The following GNG7 variants were observed in gnomAD, a reference collection of about 807,000 sequenced individuals.
GNG7 encodes the protein G protein subunit gamma 7.
A neutral mutation model predicts 4.0 loss-of-function variants in GNG7; 1 was observed. The observed-to-expected ratio is 0.25, with a 90% confidence interval of 0.09 to 1.18. GNG7 has a LOEUF of 1.18. GNG7 is among the 50% of genes most tolerant of loss of function. GNG7 has a pLI of 0.50. For synonymous variants in GNG7, 34 were observed against 36.9 expected, an observed-to-expected ratio of 0.92 and a Z score of 0.29; for missense variants, 86 against 91.9, an observed-to-expected ratio of 0.94 and a Z score of 0.26.
intron 1 of GNG7, among the ~76,000 whole-genome samples, chr19:2,691,263 G>A (rs984506532): frequency 6.6e-6 from 1 of 152,130 alleles, no homozygotes; most frequent in African/African-American, 2.4e-5. Context: ...AATGGTTTCG[G>A]CCTGGCTCAG....
chr19:2,659,612 G>T (rs1327850039), intron 1 of GNG7, among the ~76,000 whole-genome samples: 1 of 67,316 alleles, frequency 1.5e-5, no homozygotes, highest in Non-Finnish European at 3.1e-5. Flanking sequence ...AAAAAAAAAA[G>T]AGAGGAGGGG....
At chr19:2,603,227 T>C (rs914638592) in intron 2 of GNG7, among the ~76,000 whole-genome samples, 5 of 151,936 alleles carry the variant, frequency 3.3e-5, no homozygotes, top group Non-Finnish European at 7.4e-5. Flanking sequence ...CCACCATGCC[T>C]GGCTAATTTT....
chr19:2,642,660 C>G (rs1412159020), intron 2 of GNG7: 5 of 391,052 alleles, frequency 1.3e-5, no homozygotes, highest in African/African-American at 4.2e-5. Context: ...GCCACCATAC[C>G]TGTCTAATTT....
At chr19:2,529,850 T>C (rs1978528232) in intron 3 of GNG7, among the ~76,000 whole-genome samples, 1 of 152,080 alleles carries the variant, frequency 6.6e-6, no homozygotes, top group Non-Finnish European at 1.5e-5. Flanking sequence ...TGCCTGGAAA[T>C]GGAAAATCCG....
At chr19:2,694,910 C>A (rs1282358676) in intron 1 of GNG7, among the ~76,000 whole-genome samples, 1 of 151,992 alleles carries the variant, frequency 6.6e-6, no homozygotes, top group East Asian at 1.9e-4. Flanking sequence ...GACAGCCCTG[C>A]CCCAGAAAAT....
At chr19:2,597,076 T>C (rs1040727497) in intron 2 of GNG7, among the ~76,000 whole-genome samples, 3 of 151,896 alleles carry the variant, frequency 2.0e-5, no homozygotes, top group Admixed American at 6.6e-5. Context: ...CTGGACAACA[T>C]AGCAAGACCC....
chr19:2,627,956 A>G (rs550634833), intron 2 of GNG7, among the ~76,000 whole-genome samples: 2 of 152,372 alleles, frequency 1.3e-5, no homozygotes, highest in African/African-American at 2.4e-5. Flanking sequence ...ATCTTAATGA[A>G]GGAGGTGACG....
intron 2 of GNG7, among the ~76,000 whole-genome samples, chr19:2,582,080 C>CA (rs1162081539): frequency 2.6e-5 from 4 of 152,070 alleles, no homozygotes; most frequent in East Asian, 1.9e-4. Flanking sequence ...TAAAGATCTC[C>CA]AAAAAATCAA....
chr19:2,652,654 T>C (rs113828956), intron 1 of GNG7, among the ~76,000 whole-genome samples: 1 of 138,846 alleles, frequency 7.2e-6, no homozygotes, highest in Non-Finnish European at 1.5e-5. Flanking sequence ...CCCAAATACA[T>C]AGAAACAGAA....
intron 2 of GNG7, among the ~76,000 whole-genome samples, chr19:2,602,282 A>G (rs1981222879): frequency 6.6e-6 from 1 of 152,204 alleles, no homozygotes; most frequent in East Asian, 1.9e-4. Context: ...GGTTGCAGTG[A>G]GCTGAGATCG....
chr19:2,547,518 C>T (rs1217729819), intron 3 of GNG7, among the ~76,000 whole-genome samples: 1 of 152,182 alleles, frequency 6.6e-6, no homozygotes, highest in Non-Finnish European at 1.5e-5. Context: ...CGCCCCCCCA[C>T]CCCGGATCAT....
intron 1 of GNG7, among the ~76,000 whole-genome samples, chr19:2,693,062 G>A (rs1048119700): frequency 3.3e-5 from 5 of 151,810 alleles, no homozygotes; most frequent in African/African-American, 1.2e-4. Context: ...AGTCTGAAGT[G>A]GGTGGATCAC....
chr19:2,560,692 C>T (rs1979715836), intron 2 of GNG7, among the ~76,000 whole-genome samples: 1 of 152,120 alleles, frequency 6.6e-6, no homozygotes, highest in African/African-American at 2.4e-5. Context: ...CGCGGTGGCT[C>T]ACGCCTGTCA....
At chr19:2,648,645 C>A (rs1040940265) in intron 1 of GNG7, among the ~76,000 whole-genome samples, 4 of 152,156 alleles carry the variant, frequency 2.6e-5, no homozygotes, top group African/African-American at 9.7e-5. Context: ...GCAGGTGGTG[C>A]CCTTGCCACA....
intron 2 of GNG7, among the ~76,000 whole-genome samples, chr19:2,605,674 C>A (rs1280275258): frequency 2.0e-5 from 3 of 151,706 alleles, no homozygotes; most frequent in Admixed American, 6.6e-5. Context: ...CCACCACACC[C>A]AGCTAATTTT....
chr19:2,698,650 A>C (rs574666303), intron 1 of GNG7, among the ~76,000 whole-genome samples: 1 of 152,292 alleles, frequency 6.6e-6, no homozygotes, highest in East Asian at 1.9e-4. Context: ...TCCTGTAAGA[A>C]ACCATGAAGC....
intron 2 of GNG7, among the ~76,000 whole-genome samples, chr19:2,597,197 AGCT>A (rs35132996): frequency 0.76 from 114,764 of 151,748 alleles, 43,413 homozygotes; most frequent in Admixed American, 0.79. Flanking sequence ...GGGAGTTGGA[AGCT>A]GCTGCAGGGA....
intron 2 of GNG7, among the ~76,000 whole-genome samples, chr19:2,612,030 A>G (rs1168594900): frequency 6.6e-6 from 1 of 151,824 alleles, no homozygotes; most frequent in Non-Finnish European, 1.5e-5. Context: ...ACCCGCCACC[A>G]CGCCCAGCTA....
At chr19:2,565,888 T>C (rs1272971236) in intron 2 of GNG7, among the ~76,000 whole-genome samples, 1 of 152,190 alleles carries the variant, frequency 6.6e-6, no homozygotes, top group Non-Finnish European at 1.5e-5. Flanking sequence ...CCGGGCACGG[T>C]GGCTCACGCC....
Sources: gnomAD v4.1 joint callset for allele counts (sites outside exome capture counted in the v4.1 genomes callset) on GRCh38, gnomAD v4.1.1 for gene constraint, MANE v1.5 for transcripts, NCBI Gene and HGNC (gene_info 2026-07-23, HGNC 2026-07-21) for gene names.